The following MAPK10 variants were observed in gnomAD, a reference collection of about 807,000 sequenced individuals.
The protein encoded by MAPK10 is JNK3 alpha protein kinase.
MAPK10 carries 25 observed loss-of-function variants against 59.3 expected under a neutral mutation model. The observed-to-expected ratio is 0.42, with a 90% CI of 0.31 to 0.59. The LOEUF (loss-of-function observed/expected upper bound fraction) is 0.59, where lower values mean the gene tolerates loss of function less well. Ranked by LOEUF, MAPK10 falls within the 20% of genes least tolerant of loss-of-function variation. The pLI, the probability that MAPK10 is intolerant of heterozygous loss-of-function variation, is 0.15. For missense variants in MAPK10, 351 were observed against 568.9 expected (o/e 0.62, Z 3.90); for synonymous variants, 190 against 200.5 (o/e 0.95, Z 0.44).
chr4:86,398,563 C>G (rs1743276748), intron 1 of MAPK10, among the ~76,000 whole-genome samples: 1 of 152,180 alleles, frequency 6.6e-6, no homozygotes, highest in South Asian at 2.1e-4. Context: ...ACTTACCGCA[C>G]ATTTTTCTTA....
chr4:86,399,011 T>C (rs1743336502), intron 1 of MAPK10, among the ~76,000 whole-genome samples: 1 of 152,212 alleles, frequency 6.6e-6, no homozygotes, highest in Admixed American at 6.5e-5. Flanking sequence ...CCACCGATGC[T>C]GGGCACCTGG....
chr4:86,216,885 T>C (rs979634789), intron 2 of MAPK10, among the ~76,000 whole-genome samples: 2 of 152,158 alleles, frequency 1.3e-5, no homozygotes, highest in African/African-American at 4.8e-5. Flanking sequence ...CTTTTATGTA[T>C]ATTTGTTTCA....
At chr4:86,180,069 T>C (rs1447191038) in intron 3 of MAPK10, among the ~76,000 whole-genome samples, 7 of 152,136 alleles carry the variant, frequency 4.6e-5, no homozygotes, top group East Asian at 3.9e-4. Context: ...GGAGAAAATA[T>C]TTTCAAACTA....
chr4:86,203,824 A>G (rs946458139), intron 2 of MAPK10, among the ~76,000 whole-genome samples: 4 of 151,592 alleles, frequency 2.6e-5, no homozygotes, highest in African/African-American at 9.7e-5. Context: ...ATGCCTTGAA[A>G]CAAGTAATTA....
chr4:86,432,057 G>A (rs1377993382), intron 1 of MAPK10, among the ~76,000 whole-genome samples: 1 of 152,130 alleles, frequency 6.6e-6, no homozygotes, highest in Admixed American at 6.6e-5. Context: ...GATGTCAATG[G>A]CAGAGTCTTT....
chr4:86,474,810 T>C (rs1398517959), intron 1 of MAPK10, among the ~76,000 whole-genome samples: 1 of 152,198 alleles, frequency 6.6e-6, no homozygotes, highest in East Asian at 1.9e-4. Flanking sequence ...TCATATCCCC[T>C]GTGACCTGCA....
At chr4:86,410,678 G>C (rs1745035415) in intron 1 of MAPK10, among the ~76,000 whole-genome samples, 1 of 152,154 alleles carries the variant, frequency 6.6e-6, no homozygotes, top group African/African-American at 2.4e-5. Flanking sequence ...AGATTTTCTA[G>C]TTTATTTGTG....
intron 1 of MAPK10, among the ~76,000 whole-genome samples, chr4:86,446,235 T>C (rs1750022843): frequency 6.6e-6 from 1 of 152,196 alleles, no homozygotes; most frequent in Non-Finnish European, 1.5e-5. Flanking sequence ...TAGCTGTAAA[T>C]GGACATTGCA....
chr4:86,581,676 TTGTGTGTGTG>T (rs56210798), intron 1 of MAPK10, among the ~76,000 whole-genome samples: 11 of 136,862 alleles, frequency 8.0e-5, no homozygotes, highest in South Asian at 2.4e-4. Flanking sequence ...TTTTCAGTTA[TTGTGTGTGTG>T]TGTGTGTGTG....
chr4:86,152,170 T>A (rs2066638946), intron 4 of MAPK10: 2 of 152,200 alleles, frequency 1.3e-5, no homozygotes, highest in African/African-American at 4.8e-5. Flanking sequence ...GGAAAACTTT[T>A]AAAAATATAT....
At chr4:86,581,903 A>ATATATATATATATATATATATATATAT (rs1762316317) in intron 1 of MAPK10, among the ~76,000 whole-genome samples, 1 of 1,194 alleles carries the variant, frequency 8.4e-4, no homozygotes, top group Non-Finnish European at 1.7e-3. Context: ...TATATATTAT[A>ATATATATATATATATATATATATATAT]TATATATATA....
chr4:86,375,246 C>T (rs181975289), intron 1 of MAPK10, among the ~76,000 whole-genome samples: 15 of 152,074 alleles, frequency 9.9e-5, no homozygotes, highest in East Asian at 7.8e-4. Context: ...TGTCTAGAAA[C>T]GTACAAAAGG....
intron 2 of MAPK10, among the ~76,000 whole-genome samples, chr4:86,344,573 ACAGT>A (rs1726998991): frequency 6.7e-6 from 1 of 148,190 alleles, no homozygotes; most frequent in Non-Finnish European, 1.5e-5. Context: ...TACAGAGTAA[ACAGT>A]CAGTAAATAT....
chr4:86,262,230 T>G (rs953010177), intron 2 of MAPK10, among the ~76,000 whole-genome samples: 5 of 152,090 alleles, frequency 3.3e-5, no homozygotes, highest in African/African-American at 1.2e-4. Context: ...TTCCTCCCCC[T>G]CCCCTCTCTC....
At chr4:86,368,920 A>G (rs757842378) in intron 1 of MAPK10, among the ~76,000 whole-genome samples, 54 of 152,192 alleles carry the variant, frequency 3.5e-4, no homozygotes, top group Non-Finnish European at 1.5e-4. Flanking sequence ...TGTCTTTTGA[A>G]CAATGATGCT....
At position 86,098,515 on chromosome 4, in the gene MAPK10, C is replaced by T; in HGVS notation, c.802+9G>A. 6.2e-7 allele frequency: 1 copy of T among 1,612,122 alleles called. No homozygotes were observed. Among genetic ancestry groups the T allele is most frequent in the Non-Finnish European group, 8.5e-7 (1 of 1,178,360 alleles). The stretch of plus-strand genomic sequence containing the variant: ...ACAGGTAAAGCTGTAGCAAAAGGTA[C>T]AAGGATACAGTCCCTTCCTGGAAAG... On this transcript the variant is annotated intron_variant, in intron 9 of 13. Coordinates refer to ENST00000641462, the MANE Select transcript of MAPK10 (RefSeq NM_138982.4).
At chr4:86,309,899 T>C (rs2148866595) in intron 2 of MAPK10, among the ~76,000 whole-genome samples, 1 of 152,254 alleles carries the variant, frequency 6.6e-6, no homozygotes, top group South Asian at 2.1e-4. Context: ...CTTTGAACTG[T>C]TTGAGCCTGT....
chr4:86,148,200 G>A (rs1469165246), intron 4 of MAPK10, among the ~76,000 whole-genome samples: 1 of 152,082 alleles, frequency 6.6e-6, no homozygotes, highest in Non-Finnish European at 1.5e-5. Context: ...AGATGAGAGG[G>A]CAATTACTTT....
chr4:86,553,166 C>T (rs1445725053), intron 1 of MAPK10, among the ~76,000 whole-genome samples: 3 of 152,072 alleles, frequency 2.0e-5, no homozygotes, highest in Non-Finnish European at 4.4e-5. Context: ...GAAGACTCCC[C>T]AGGGAAGTAT....
Sources: gnomAD v4.1 joint callset for allele counts (sites outside exome capture counted in the v4.1 genomes callset) on GRCh38, gnomAD v4.1.1 for gene constraint, MANE v1.5 for transcripts, NCBI Gene and HGNC (gene_info 2026-07-23, HGNC 2026-07-21) for gene names.